The following PRKCB variants were observed in gnomAD, a reference collection of about 807,000 sequenced individuals.
PRKCB encodes protein kinase C beta type.
A neutral mutation model predicts 81.5 loss-of-function variants in PRKCB; 13 were observed. That is an observed-to-expected ratio of 0.16 (90% CI 0.10 to 0.25). The LOEUF is 0.25. PRKCB is among the 10% of genes least tolerant of loss of function. The pLI, the probability that PRKCB is intolerant of heterozygous loss-of-function variation, is 1.00. For synonymous variants in PRKCB, 335 were observed against 321.4 expected (o/e 1.04, Z -0.45); for missense variants, 509 against 875.7 (o/e 0.58, Z 5.29).
chr16:23,915,731 TA>T (rs1963728198), intron 2 of PRKCB, among the ~76,000 whole-genome samples: 1 of 148,190 alleles, frequency 6.7e-6, no homozygotes, highest in Non-Finnish European at 1.5e-5. Context: ...ATGGATTCTT[TA>T]TTTTTTTAAT....
chr16:24,084,914 C>T (rs1189412856), intron 5 of PRKCB, among the ~76,000 whole-genome samples: 1 of 151,982 alleles, frequency 6.6e-6, no homozygotes, highest in African/African-American at 2.4e-5. Flanking sequence ...GCATGAAGCC[C>T]CTATGTGTGA....
intron 3 of PRKCB, among the ~76,000 whole-genome samples, chr16:24,008,528 T>C (rs1328797062): frequency 6.6e-6 from 1 of 152,224 alleles, no homozygotes; most frequent in Non-Finnish European, 1.5e-5. Flanking sequence ...TCCAGCTTGA[T>C]GAATTCTCAC....
At chr16:24,130,518 C>G (rs1334036045) in intron 9 of PRKCB, among the ~76,000 whole-genome samples, 5 of 152,178 alleles carry the variant, frequency 3.3e-5, no homozygotes, top group Middle Eastern at 3.2e-3. Context: ...GGCACCTAAA[C>G]TTTTATTAGG....
At chr16:24,191,874 C>G (rs1035483136) in intron 16 of PRKCB, among the ~76,000 whole-genome samples, 2 of 152,224 alleles carry the variant, frequency 1.3e-5, no homozygotes, top group Non-Finnish European at 2.9e-5. Flanking sequence ...CATGTACCAA[C>G]AGGAAGGTTT....
At chr16:24,024,025 T>C (rs771120732) in intron 3 of PRKCB, among the ~76,000 whole-genome samples, 5 of 152,126 alleles carry the variant, frequency 3.3e-5, no homozygotes, top group Non-Finnish European at 7.4e-5. Flanking sequence ...GGGAGGCAGA[T>C]GGAATTGGAA....
intron 5 of PRKCB, among the ~76,000 whole-genome samples, chr16:24,040,737 T>A (rs1035973441): frequency 6.6e-6 from 1 of 152,292 alleles, no homozygotes; most frequent in East Asian, 1.9e-4. Context: ...AGTCAGGAAA[T>A]GAAGGTCAAC....
At position 23,875,504 on chromosome 16, in the gene PRKCB, T is replaced by TCACACAC. The variant is rs1567298301; in HGVS notation, c.205+38098_205+38099insCACACAC. On this transcript the variant is annotated intron_variant, in intron 2 of 16. Coordinates refer to ENST00000643927, the MANE Select transcript of PRKCB (RefSeq NM_002738.7). ...AGATATATATATATATATATATATA[T>TCACACAC]ATGATGTATATCACACACATATGTG... Among the ~76,000 whole-genome samples, 52 of 34,688 alleles carry TCACACAC rather than the reference T, an allele frequency of 1.5e-3. 1 individual carries two copies. Among genetic ancestry groups the TCACACAC allele is most frequent in the Middle Eastern group, 0.017 (1 of 58 alleles). 22.8% of individuals were successfully genotyped at this position (34,688 alleles called of 152,430 possible).
chr16:24,063,960 T>C (rs1021162202), intron 5 of PRKCB, among the ~76,000 whole-genome samples: 5 of 152,208 alleles, frequency 3.3e-5, no homozygotes, highest in African/African-American at 1.2e-4. Context: ...TCAAACTGAC[T>C]GACATATTGT....
intron 2 of PRKCB, among the ~76,000 whole-genome samples, chr16:23,940,943 C>T (rs768718610): frequency 6.6e-6 from 1 of 152,166 alleles, no homozygotes; most frequent in African/African-American, 2.4e-5. Flanking sequence ...GCAAATAGCT[C>T]AACCCAGTGT....
chr16:24,094,841 A>T (rs1966419943), intron 7 of PRKCB, among the ~76,000 whole-genome samples: 1 of 146,990 alleles, frequency 6.8e-6, no homozygotes, highest in African/African-American at 2.6e-5. Flanking sequence ...GGAAGGAAGG[A>T]AGGAAGGAAG....
In PRKCB at chr16:24,139,840, A is replaced by G. The variant is rs560972390; in HGVS notation, c.1066-14844A>G. Among the ~76,000 whole-genome samples the G allele has an allele frequency of 1.3e-4, 20 of 152,376 alleles. No individual in the cohort carries two copies. The South Asian group carries it at 2.7e-3, about 21-fold the overall frequency. On this transcript the variant is annotated intron_variant, in intron 9 of 16. Transcript: ENST00000643927. ...TCATCCGAGTTGATCTATACGCCGG[A>G]TATCACTGCTCTTCTTTTCATCTGG...
intron 2 of PRKCB, among the ~76,000 whole-genome samples, chr16:23,921,918 G>T (rs548679177): frequency 3.9e-4 from 59 of 152,312 alleles, no homozygotes; most frequent in Non-Finnish European, 7.9e-4. Flanking sequence ...GAAGGCATTT[G>T]AGTTGAATCT....
chr16:24,045,050 G>A (rs987876481), intron 5 of PRKCB, among the ~76,000 whole-genome samples: 3 of 152,140 alleles, frequency 2.0e-5, no homozygotes, highest in African/African-American at 7.2e-5. Context: ...GGATTGTGTT[G>A]TGTCTCTGTA....
intron 3 of PRKCB, among the ~76,000 whole-genome samples, chr16:24,018,028 A>G (rs1965306499): frequency 6.6e-6 from 1 of 150,564 alleles, no homozygotes; most frequent in African/African-American, 2.5e-5. Context: ...CCTCCCGAGT[A>G]GCTGGGACTA....
Position 24,092,868 on chromosome 16 carries a change from G to A in PRKCB, c.607G>A (p.Asp203Asn), listed in dbSNP as rs1362878097. The A allele has an allele frequency of 1.2e-6, 2 of 1,614,028 alleles. No homozygotes were observed. The highest frequency in any genetic ancestry group is 1.7e-6 in the Non-Finnish European group (2 of 1,180,000). Residue 203 changes from aspartate to asparagine, a missense_variant, in exon 6 of 17, where the codon GAT becomes AAT. Asp to Asn is a conservative substitution (Grantham distance 23). Around this residue, in one of 6 missense-constraint regions of PRKCB, gnomAD observed 184 missense variants for 362.9 expected, o/e 0.51. Transcript: ENST00000643927. ...DPYVKLKLIP[D>N]PKSESKQKTK... ...CTACGTAAAACTGAAACTGATTCCC[G>A]ATCCCAAAAGTGAGAGCAAACAGAA...
At chr16:23,841,421 A>G (rs941599867) in intron 2 of PRKCB, among the ~76,000 whole-genome samples, 2 of 150,976 alleles carry the variant, frequency 1.3e-5, no homozygotes, top group African/African-American at 5.0e-5. Context: ...CCTGCATTTG[A>G]GCTTTAATTT....
chr16:24,195,127 G>A (rs1449556767), intron 16 of PRKCB, among the ~76,000 whole-genome samples: 1 of 151,866 alleles, frequency 6.6e-6, no homozygotes, highest in African/African-American at 2.4e-5. Context: ...CTTGATCCTG[G>A]GAGGTTGAGG....
At chr16:23,996,042 A>G (rs1964952724) in intron 3 of PRKCB, among the ~76,000 whole-genome samples, 1 of 151,970 alleles carries the variant, frequency 6.6e-6, no homozygotes, top group Non-Finnish European at 1.5e-5. Flanking sequence ...ATGTGACTAT[A>G]TCCTGATTCA....
At chr16:23,928,232 T>C (rs550688559) in intron 2 of PRKCB, among the ~76,000 whole-genome samples, 7 of 151,954 alleles carry the variant, frequency 4.6e-5, no homozygotes, top group Admixed American at 2.0e-4. Context: ...TTCAAGCAAT[T>C]CTCCTGCCTC....
Sources: gnomAD v4.1 joint callset for allele counts (sites outside exome capture counted in the v4.1 genomes callset) on GRCh38, gnomAD v4.1.1 for gene constraint, gnomAD v4.1.1 regional missense constraint, MANE v1.5 for transcripts, NCBI Gene and HGNC (gene_info 2026-07-23, HGNC 2026-07-21) for gene names.